CSNK1A1: variants seen among roughly 807,000 people sequenced by gnomAD.
The protein encoded by CSNK1A1 is casein kinase 1 alpha 1, also known as casein kinase I isoform alpha.
Under a neutral mutation model 46.1 loss-of-function variants are expected in CSNK1A1, and 7 were observed. The observed-to-expected ratio is 0.15, with a 90% CI of 0.09 to 0.29. The LOEUF is 0.29. CSNK1A1 is among the 10% of genes least tolerant of loss of function. CSNK1A1 has a pLI of 1.00. For synonymous variants in CSNK1A1, 137 were observed against 141.5 expected (o/e 0.97, Z 0.23); for missense variants, 96 against 417.1 (o/e 0.23, Z 6.71).
chr5:149,502,527 G>GA (rs1760899940), intron 9 of CSNK1A1: 1 of 205,836 alleles, frequency 4.9e-6, no homozygotes, highest in Admixed American at 7.9e-5. Flanking sequence ...TTTTGGGGGG[G>GA]GGGGGGTTGG....
chr5:149,542,630 ATATATATATG>A (rs1561772407), intron 2 of CSNK1A1, among the ~76,000 whole-genome samples: 2 of 10,942 alleles, frequency 1.8e-4, no homozygotes, highest in Non-Finnish European at 1.4e-4. Flanking sequence ...ATATATATAT[ATATATATATG>A]TATATATATA....
chr5:149,543,513 C>T (rs932041068), intron 2 of CSNK1A1, among the ~76,000 whole-genome samples: 23 of 151,772 alleles, frequency 1.5e-4, no homozygotes, highest in African/African-American at 5.6e-4. Flanking sequence ...CCAAGCTAAG[C>T]ATGGACACTG....
intron 2 of CSNK1A1, among the ~76,000 whole-genome samples, chr5:149,547,235 C>G (rs1291153029): frequency 6.6e-6 from 1 of 152,148 alleles, no homozygotes; most frequent in Non-Finnish European, 1.5e-5. Flanking sequence ...TTAGCCTCAC[C>G]CACAGACAGC....
intron 3 of CSNK1A1, among the ~76,000 whole-genome samples, chr5:149,520,689 A>ATTCCT (rs1761540470): frequency 6.6e-6 from 1 of 152,198 alleles, no homozygotes; most frequent in African/African-American, 2.4e-5. Context: ...CCTGTATAAT[A>ATTCCT]GTTTCAGTTG....
Position 149,550,086 on chromosome 5 carries a change from G to A in CSNK1A1, c.219C>T (p.Ile73=). ...LYKILQGGVG[I]PHIRWYGQEK... ...CACCGGGTTCTTACCGTATGTGGGG[G>A]ATGCCAACCCCACCTTGAAGAATCT... The change falls in exon 2 of 10, where the codon ATC becomes ATT. Residue 73 remains isoleucine, a synonymous_variant. Transcript: ENST00000377843. The surrounding 1 kb of genome is among the most constrained non-coding windows in gnomAD (Gnocchi z 4.3). 6.2e-7 allele frequency: 1 copy of A among 1,613,338 alleles called. No homozygotes were observed. Among genetic ancestry groups the A allele is most frequent in the Non-Finnish European group, 8.5e-7 (1 of 1,179,524 alleles).
chr5:149,519,315 T>C (rs1000426100), intron 4 of CSNK1A1, among the ~76,000 whole-genome samples: 2 of 151,990 alleles, frequency 1.3e-5, no homozygotes, highest in Non-Finnish European at 2.9e-5. Context: ...CATTTCCTAA[T>C]AGTTTAGTAA....
Position 149,494,047 on chromosome 5 carries a change from G to C in CSNK1A1, c.*2806C>G, listed in dbSNP as rs1760592406. 1 of 152,158 alleles carries C rather than the reference G, an allele frequency of 6.6e-6. No homozygotes were observed. Among genetic ancestry groups the C allele is most frequent in the South Asian group, 2.1e-4 (1 of 4,834 alleles). The allele number at this position is 152,158 out of a possible 1,614,324, so 9.4% of individuals were successfully genotyped here. A position where few individuals can be genotyped will look rare whatever the true frequency, so the allele number is the denominator to read the frequency against. On this transcript the variant is annotated 3_prime_UTR_variant, in exon 10 of 10. Coordinates refer to ENST00000377843, the MANE Select transcript of CSNK1A1 (RefSeq NM_001892.6). Reference sequence around the variant, plus strand: ...GACTCATTCTAGTCAAAAGCTATAAGAACATATTCCTTAATAGTTCAGCAA... The same window carrying C: ...GACTCATTCTAGTCAAAAGCTATAACAACATATTCCTTAATAGTTCAGCAA...
At chr5:149,519,672 T>C (rs1416423598) in intron 4 of CSNK1A1, among the ~76,000 whole-genome samples, 3 of 152,208 alleles carry the variant, frequency 2.0e-5, no homozygotes, top group Non-Finnish European at 1.5e-5. Context: ...TTCACTTGTC[T>C]ACATTTTCCT....
rs1580861078 is a variant in CSNK1A1, at chr5:149,542,609, T to A, written c.230+7466A>T. Among the ~76,000 whole-genome samples, 2 of 10,604 alleles carry A rather than the reference T, an allele frequency of 1.9e-4. 1 individual carries two copies. Among genetic ancestry groups the A allele is most frequent in the Non-Finnish European group, 2.8e-4 (2 of 7,248 alleles). 7.0% of individuals were successfully genotyped at this position (10,604 alleles called of 152,430 possible). On this transcript the variant is annotated intron_variant, in intron 2 of 9. Transcript: ENST00000377843. ...ATACAAATTTATATATATATATATA[T>A]ATATATATATATATATATATATATA... is the stretch of plus-strand genomic sequence containing the variant.
At position 149,499,038 on chromosome 5, in the gene CSNK1A1, T is replaced by C. The variant is rs145145965; in HGVS notation, c.1007-2178A>G. 686 of 985,454 alleles carry C rather than the reference T, an allele frequency of 7.0e-4. No individual in the cohort carries two copies. In the Middle Eastern group the frequency reaches 0.018, roughly 26 times the overall value. 61.0% of individuals were successfully genotyped at this position (985,454 alleles called of 1,614,324 possible). A position where few individuals can be genotyped will look rare whatever the true frequency, so the allele number is the denominator to read the frequency against. ...TAACTCTTCAAATGGGTCAATGGTA[T>C]GACATTCCAGCCAGGGATCAACATT... On this transcript the variant is annotated intron_variant, in intron 9 of 9. Coordinates refer to ENST00000377843, the MANE Select transcript of CSNK1A1 (RefSeq NM_001892.6).
In CSNK1A1 at chr5:149,498,066, T is replaced by C. The variant is rs1047100830; in HGVS notation, c.1007-1206A>G. The C allele has an allele frequency of 1.1e-5, 10 of 936,942 alleles. No individual in the cohort carries two copies. The East Asian group carries it at 1.0e-3, about 98-fold the overall frequency. 58.0% of individuals were successfully genotyped at this position (936,942 alleles called of 1,614,324 possible). A position where few individuals can be genotyped will look rare whatever the true frequency, so the allele number is the denominator to read the frequency against. On this transcript the variant is annotated intron_variant, in intron 9 of 9. Coordinates refer to ENST00000377843, the MANE Select transcript of CSNK1A1 (RefSeq NM_001892.6). ...CCAGGCTGGTCTCAAACTCCTGACCTCGTGATCCACCCGCCATGGCCTCCC... is the reference window on the plus strand; with the variant it reads ...CCAGGCTGGTCTCAAACTCCTGACCCCGTGATCCACCCGCCATGGCCTCCC...
chr5:149,513,010 A>G lies in CSNK1A1; in HGVS notation c.596+60T>C, dbSNP rs1008263764. On this transcript the variant is annotated intron_variant, in intron 5 of 9. Transcript: ENST00000377843. ...ACATTGTAAGAAACTAAAATATTTC[A>G]AAAACCCATTGATGGCTTCTGCTAT... The G allele has an allele frequency of 2.1e-5, 34 of 1,588,934 alleles. No homozygotes were observed. In the African/African-American group the frequency reaches 4.3e-4, roughly 20 times the overall value.
chr5:149,509,432 A>T (rs1415366654), intron 7 of CSNK1A1, among the ~76,000 whole-genome samples: 1 of 152,052 alleles, frequency 6.6e-6, no homozygotes, highest in Non-Finnish European at 1.5e-5. Context: ...GCTGGAGTGC[A>T]GTGGCACAAT....
Position 149,507,556 on chromosome 5 carries a change from G to T in CSNK1A1, c.751-423C>A, listed in dbSNP as rs1415702887. 2.0e-5 allele frequency among the ~76,000 whole-genome samples: 3 copies of T among 152,042 alleles called. No individual in the cohort carries two copies. The East Asian group carries it at 5.8e-4, about 29-fold the overall frequency. ...GCTTACTGCAACCTCCACCTCCCAG[G>T]CTTCAAGCGATCCTCCAACCTCAGC... On this transcript the variant is annotated intron_variant, in intron 7 of 9. Transcript: ENST00000377843.
chr5:149,517,100 G>C lies in CSNK1A1; in HGVS notation c.456+3190C>G, dbSNP rs956179058. Among the ~76,000 whole-genome samples, 1 of 152,094 alleles carries C rather than the reference G, an allele frequency of 6.6e-6. No homozygotes were observed. ...CTTACAAATTTAGAAAATTAGTAGG[G>C]TGTTTATCCAGCCTGCCAAAAACTA... On this transcript the variant is annotated intron_variant, in intron 4 of 9. Coordinates refer to ENST00000377843, the MANE Select transcript of CSNK1A1 (RefSeq NM_001892.6). This position sits in a 1 kb window ranked among gnomAD's most constrained non-coding sequence, Gnocchi z 4.4.
At chr5:149,534,696 C>G (rs1448352540) in intron 2 of CSNK1A1, among the ~76,000 whole-genome samples, 1 of 151,812 alleles carries the variant, frequency 6.6e-6, no homozygotes, top group Non-Finnish European at 1.5e-5. Flanking sequence ...TTTGGGAGGT[C>G]AAGATGGGAG....
chr5:149,504,027 C>T (rs1760953045), intron 9 of CSNK1A1: 1 of 985,264 alleles, frequency 1.0e-6, no homozygotes, highest in South Asian at 4.7e-5. Context: ...GACTGTTTTT[C>T]AGTGACATTA....
In CSNK1A1 at chr5:149,525,207, A is replaced by C. The variant is rs1485783920; in HGVS notation, c.231-36T>G. 6.4e-7 allele frequency: 1 copy of C among 1,557,746 alleles called. No individual in the cohort carries two copies. Among genetic ancestry groups the C allele is most frequent in the African/African-American group, 1.4e-5 (1 of 72,300 alleles). On this transcript the variant is annotated intron_variant, in intron 2 of 9. Coordinates refer to ENST00000377843, the MANE Select transcript of CSNK1A1 (RefSeq NM_001892.6). This position sits in a 1 kb window ranked among gnomAD's most constrained non-coding sequence, Gnocchi z 4.2. ...AAAAGGAGAAGAGAGGATATTACAA[A>C]AAGCTATTACTTAATATCATCAACC...
chr5:149,539,754 T>G (rs1366020752), intron 2 of CSNK1A1, among the ~76,000 whole-genome samples: 1 of 152,136 alleles, frequency 6.6e-6, no homozygotes, highest in Non-Finnish European at 1.5e-5. Context: ...TGATTCCATT[T>G]GCAGCAAAAT....
Sources: gnomAD v4.1 joint callset for allele counts (sites outside exome capture counted in the v4.1 genomes callset) on GRCh38, gnomAD v4.1.1 for gene constraint, Gnocchi (gnomAD v3.1) non-coding constraint, MANE v1.5 for transcripts, NCBI Gene and HGNC (gene_info 2026-07-23, HGNC 2026-07-21) for gene names.